Variants in MIAT observed in about 807,000 individuals in gnomAD.
MIAT encodes MI related novel mRNA.
downstream of MIAT, chr22:26,672,266 C>G (rs1373101708): frequency 2.5e-6 from 1 of 398,980 alleles, no homozygotes; most frequent in East Asian, 3.6e-5. Flanking sequence ...GGGGGCTGGT[C>G]CCCCTCCTTT....
At chr22:26,676,336 A>G (rs1931263894) in exon 5 of MIAT, 1 of 398,586 alleles carries the variant, frequency 2.5e-6, no homozygotes, top group Non-Finnish European at 4.4e-6. Flanking sequence ...ATGTGTGGGT[A>G]GAAATTTCTC....
rs114197871 is a variant in MIAT, at chr22:26,649,439, C to T, written n.646+2128C>T. ...CTGCAGACTGAAGGAGACCAGGCCCCGGGTGCTGCCCATCACTTCTCAAAC... is the reference window on the plus strand; with the variant it reads ...CTGCAGACTGAAGGAGACCAGGCCCTGGGTGCTGCCCATCACTTCTCAAAC... On this transcript the variant is annotated intron_variant and non_coding_transcript_variant, in intron 2 of 5. Coordinates refer to ENST00000643270, the Ensembl canonical transcript of MIAT. Among the ~76,000 whole-genome samples the T allele has an allele frequency of 3.1e-3, 469 of 152,314 alleles. 2 individuals are homozygous for T. The highest frequency in any genetic ancestry group is 9.4e-3 in the African/African-American group (391 of 41,568).
At chr22:26,648,766 T>C (rs552775680) in intron 2 of MIAT, among the ~76,000 whole-genome samples, 20 of 152,296 alleles carry the variant, frequency 1.3e-4, no homozygotes, top group African/African-American at 4.8e-4. Context: ...TGGACTGGAC[T>C]TGATATGTGT....
downstream of MIAT, chr22:26,672,055 G>A (rs1383539522): frequency 5.0e-6 from 2 of 399,110 alleles, no homozygotes; most frequent in Non-Finnish European, 8.8e-6. Flanking sequence ...TAACCCCTGG[G>A]GTGCCTCAAC....
downstream of MIAT, chr22:26,669,799 A>G: frequency 2.5e-6 from 1 of 399,024 alleles, no homozygotes; most frequent in East Asian, 3.6e-5. Flanking sequence ...TTCGGAGGAC[A>G]TATGGAACTG....
exon 5 of MIAT, chr22:26,676,432 CT>C (rs1313593659): frequency 2.0e-5 from 8 of 398,496 alleles, no homozygotes; most frequent in African/African-American, 1.4e-4. Flanking sequence ...GTAGCTGCTT[CT>C]GTGTAAAATG....
At chr22:26,675,737 C>T (rs966790451) in exon 5 of MIAT, 2 of 398,522 alleles carry the variant, frequency 5.0e-6, no homozygotes, top group East Asian at 3.6e-5. Flanking sequence ...GGCTGCAAGT[C>T]TATAAGATAA....
chr22:26,648,017 T>C (rs1652135357), intron 2 of MIAT, among the ~76,000 whole-genome samples: 1 of 151,890 alleles, frequency 6.6e-6, no homozygotes, highest in African/African-American at 2.4e-5. Context: ...TCAGCAGCTG[T>C]CCATACAGGA....
intron 2 of MIAT, chr22:26,657,420 C>G (rs1051523888): frequency 1.8e-5 from 7 of 396,850 alleles, no homozygotes; most frequent in Non-Finnish European, 3.1e-5. Flanking sequence ...GAGGTGAGGG[C>G]CGGGGGTGGG....
chr22:26,672,180 C>G (rs937969097), downstream of MIAT: 3 of 399,530 alleles, frequency 7.5e-6, no homozygotes, highest in African/African-American at 6.2e-5. Flanking sequence ...TGTGCTCTGA[C>G]TTACTAACCC....
chr22:26,661,825 G>C (rs1213942450), intron 2 of MIAT, among the ~76,000 whole-genome samples: 1 of 143,976 alleles, frequency 6.9e-6, no homozygotes, highest in African/African-American at 2.5e-5. Context: ...CACAGTAATA[G>C]TAATGCAGAT....
chr22:26,658,228 AG>A (rs1446006260), intron 2 of MIAT: 1 of 149,222 alleles, frequency 6.7e-6, no homozygotes, highest in Non-Finnish European at 1.5e-5. Context: ...GAGGGCTGGT[AG>A]GTAACCCACC....
intron 2 of MIAT, among the ~76,000 whole-genome samples, chr22:26,648,134 A>G (rs1930270406): frequency 6.6e-6 from 1 of 152,138 alleles, no homozygotes; most frequent in Admixed American, 6.6e-5. Context: ...CCTTTCTCTC[A>G]GCCTCAGCAG....
At chr22:26,657,498 G>A (rs1230519218) in intron 2 of MIAT, 1 of 398,552 alleles carries the variant, frequency 2.5e-6, no homozygotes, top group Non-Finnish European at 4.4e-6. Flanking sequence ...CAAAGACGAC[G>A]CCGGCTGCGC....
At chr22:26,673,261 C>T (rs1420823260), downstream of MIAT, 3 of 398,684 alleles carry the variant, frequency 7.5e-6, no homozygotes, top group Non-Finnish European at 1.3e-5. Context: ...CCCCAGAGCC[C>T]GCCAGCCGCT....
At chr22:26,671,365 C>T, downstream of MIAT, 1 of 398,874 alleles carries the variant, frequency 2.5e-6, no homozygotes, top group Non-Finnish European at 4.4e-6. Flanking sequence ...GGGCGGGAGG[C>T]CTCTGAAGCT....
intron 3 of MIAT, among the ~76,000 whole-genome samples, chr22:26,664,005 C>CTTTTTTTTTTTTT (rs202155948): frequency 1.7e-5 from 2 of 116,266 alleles, no homozygotes; most frequent in African/African-American, 3.8e-5. Context: ...CTGTGTTCAG[C>CTTTTTTTTTTTTT]TTTTTTTTTT....
At chr22:26,663,896 C>T (rs1930756382) in intron 3 of MIAT, among the ~76,000 whole-genome samples, 1 of 151,678 alleles carries the variant, frequency 6.6e-6, no homozygotes, top group African/African-American at 2.4e-5. Flanking sequence ...CCCCTCTCAG[C>T]CCCAGTCCCA....
chr22:26,670,595 T>C (rs1846143453), downstream of MIAT: 4 of 345,752 alleles, frequency 1.2e-5, no homozygotes, highest in Non-Finnish European at 1.9e-5. Flanking sequence ...GAAATGTCAT[T>C]GCTCCTTAAA....
Sources: gnomAD v4.1 joint callset for allele counts (sites outside exome capture counted in the v4.1 genomes callset) on GRCh38, gnomAD v4.1.1 for gene constraint, MANE v1.5 for transcripts, NCBI Gene and HGNC (gene_info 2026-07-23, HGNC 2026-07-21) for gene names.